The following TRIM5 variants were observed in gnomAD, a reference collection of about 807,000 sequenced individuals.
TRIM5 encodes the protein tripartite motif-containing protein 5.
Under a neutral mutation model 35.6 loss-of-function variants are expected in TRIM5, and 31 were observed. The observed-to-expected ratio is 0.87, with a 90% CI of 0.65 to 1.18. The LOEUF (loss-of-function observed/expected upper bound fraction) is 1.18. Ranked by LOEUF, TRIM5 falls within the 50% of genes most tolerant of loss-of-function variation. The pLI is 0.00. For synonymous variants in TRIM5, 243 were observed against 215.6 expected (o/e 1.13, Z -1.11); for missense variants, 609 against 591.6 (o/e 1.03, Z -0.31).
the TRIM5 span, among the ~76,000 whole-genome samples, chr11:5,621,075 T>A: frequency 6.6e-6 from 1 of 152,236 alleles, no homozygotes; most frequent in Admixed American, 6.5e-5. Flanking sequence ...CACACATTCC[T>A]ATCTCCAGCA....
chr11:5,612,399 G>A, the TRIM5 span: 1 of 149,716 alleles, frequency 6.7e-6, no homozygotes, highest in Admixed American at 6.7e-5. Context: ...ACATTTAAGA[G>A]TAGCAATAGA....
downstream of TRIM5, among the ~76,000 whole-genome samples, chr11:5,658,443 G>A (rs900545569): frequency 3.3e-5 from 5 of 152,124 alleles, no homozygotes; most frequent in Admixed American, 6.5e-5. Flanking sequence ...TTTCTGATAC[G>A]TTAAGGCAAG....
intron 4 of TRIM5, among the ~76,000 whole-genome samples, chr11:5,670,106 A>G: frequency 6.6e-6 from 1 of 151,834 alleles, no homozygotes. Context: ...GAGAACTTCT[A>G]AGTTTTAACA....
the TRIM5 span, chr11:5,633,793 C>A: frequency 6.2e-7 from 1 of 1,612,224 alleles, no homozygotes; most frequent in African/African-American, 1.3e-5. Flanking sequence ...AGTGTGATTC[C>A]CTTCTCATAG....
downstream of TRIM5, among the ~76,000 whole-genome samples, chr11:5,659,469 C>T (rs1850741759): frequency 6.6e-6 from 1 of 152,168 alleles, no homozygotes; most frequent in Admixed American, 6.5e-5. Context: ...ATTCTACATG[C>T]TTAGAGCTTA....
the TRIM5 span, among the ~76,000 whole-genome samples, chr11:5,652,520 C>G: frequency 3.9e-5 from 6 of 152,126 alleles, no homozygotes; most frequent in African/African-American, 1.4e-4. Context: ...TTCCATCAGT[C>G]TATATGTCTG....
rs771538085 is a variant in TRIM5 at position 5,665,643 on chromosome 11, G to A, written c.895+13C>T. The A allele has an allele frequency of 1.9e-6, 3 of 1,559,614 alleles. No homozygotes were observed. The South Asian group carries it at 3.8e-5, about 20-fold the overall frequency. The stretch of plus-strand genomic sequence containing the variant: ...GCCGCAGGGTGGCTTATGATAATGT[G>A]ACTTCTCCTTACCCCAGTAGCGTCG... On this transcript the variant is annotated intron_variant, in intron 7 of 7. Transcript: ENST00000380034.
chr11:5,655,541 G>A, the TRIM5 span: 2 of 741,976 alleles, frequency 2.7e-6, no homozygotes, highest in African/African-American at 3.8e-5. Context: ...AACAAAAGAT[G>A]CCAAAATATG....
chr11:5,624,095 G>A, the TRIM5 span, among the ~76,000 whole-genome samples: 1 of 152,106 alleles, frequency 6.6e-6, no homozygotes, highest in Non-Finnish European at 1.5e-5. Context: ...TTTCCTCCTC[G>A]TTCGGTTTGA....
the TRIM5 span, chr11:5,632,362 G>A: frequency 6.2e-7 from 1 of 1,614,090 alleles, no homozygotes; most frequent in Admixed American, 1.7e-5. Flanking sequence ...TAACGTACAA[G>A]AGGAGGTGAC....
chr11:5,589,424 T>A, the TRIM5 span: 1 of 152,108 alleles, frequency 6.6e-6, no homozygotes, highest in Non-Finnish European at 1.5e-5. Flanking sequence ...TATTTGATGA[T>A]TCTGTTGTGG....
the TRIM5 span, among the ~76,000 whole-genome samples, chr11:5,631,633 C>T: frequency 2.0e-5 from 3 of 152,074 alleles, no homozygotes; most frequent in South Asian, 2.1e-4. Flanking sequence ...TGTTAGGAGG[C>T]GAGCACTTCT....
chr11:5,630,290 C>CT, the TRIM5 span, among the ~76,000 whole-genome samples: 3 of 152,220 alleles, frequency 2.0e-5, no homozygotes, highest in South Asian at 2.1e-4. Context: ...TAATGATAAC[C>CT]TTTTTTTCCC....
chr11:5,654,535 G>C, the TRIM5 span, among the ~76,000 whole-genome samples: 18 of 152,286 alleles, frequency 1.2e-4, no homozygotes, highest in Non-Finnish European at 1.9e-4. Flanking sequence ...TGGGGAGCAC[G>C]TGTGAGTACC....
At chr11:5,637,167 A>C in the TRIM5 span, among the ~76,000 whole-genome samples, 3 of 152,062 alleles carry the variant, frequency 2.0e-5, no homozygotes, top group Admixed American at 1.3e-4. Context: ...AGCGAGACTC[A>C]GTCTAAAAAA....
At chr11:5,667,589 C>T in intron 5 of TRIM5, 100 bp downstream of exon 5, 3 of 1,292,416 alleles carry the variant, frequency 2.3e-6, no homozygotes, top group South Asian at 1.3e-5. Context: ...ATTTTTCTGC[C>T]CTGGGAGATG....
the TRIM5 span, chr11:5,605,463 A>G: frequency 6.2e-7 from 1 of 1,614,228 alleles, no homozygotes; most frequent in Non-Finnish European, 8.5e-7. Flanking sequence ...GCTACGAATT[A>G]TAGAAGAGGC....
chr11:5,684,174 C>T lies in TRIM5; in HGVS notation c.-62+694G>A, dbSNP rs188099618. The T allele has an allele frequency of 4.6e-5, 8 of 174,186 alleles. No homozygotes were observed. The East Asian group carries it at 6.8e-4, about 15-fold the overall frequency. The allele number at this position is 174,186 out of a possible 1,614,324, so 10.8% of individuals were successfully genotyped here. On this transcript the variant is annotated intron_variant, in intron 1 of 7. Coordinates refer to ENST00000380034, the MANE Select transcript of TRIM5 (RefSeq NM_033034.3). ...AGTGAGACCAAGAACCCACCAATTC[C>T]GGACACAGTATGAAGACATGTGTTT...
At chr11:5,645,612 G>A in the TRIM5 span, 1 of 155,734 alleles carries the variant, frequency 6.4e-6, no homozygotes, top group Non-Finnish European at 1.4e-5. Context: ...CAAGTGCATA[G>A]AATGAGAGTA....
Sources: gnomAD v4.1 joint callset for allele counts (sites outside exome capture counted in the v4.1 genomes callset) on GRCh38, gnomAD v4.1.1 for gene constraint, MANE v1.5 for transcripts, NCBI Gene and HGNC (gene_info 2026-07-23, HGNC 2026-07-21) for gene names.